ARHGEF2: variants seen among roughly 807,000 people sequenced by gnomAD.
ARHGEF2 encodes rho guanine nucleotide exchange factor 2.
In ARHGEF2, 22 loss-of-function variants were observed where a neutral mutation model predicts 121.0. That is an observed-to-expected ratio of 0.18 (90% CI 0.13 to 0.26). The LOEUF (loss-of-function observed/expected upper bound fraction) is 0.26, where lower values mean the gene tolerates loss of function less well. Among genes scored for constraint, ARHGEF2 ranks in the 10% least tolerant of loss-of-function variants. The pLI is 1.00. For missense variants in ARHGEF2, 907 were observed against 1,336.0 expected (o/e 0.68, Z 5.01); for synonymous variants, 487 against 530.0 (o/e 0.92, Z 1.11).
rs1425425294 is a variant in ARHGEF2, at chr1:155,978,001, G to A, written c.63+364C>T. The A allele has an allele frequency of 1.1e-5, 9 of 857,110 alleles. No individual in the cohort carries two copies. The highest frequency in any genetic ancestry group is 1.1e-5 in the Non-Finnish European group (8 of 699,634). 53.1% of individuals were successfully genotyped at this position (857,110 alleles called of 1,614,324 possible). A position where few individuals can be genotyped will look rare whatever the true frequency, so the allele number is the denominator to read the frequency against. ...CCGGTGGGGCCCGGGGTGAGAGGAG[G>A]TGCCGGAGCTTCCACCGCCCCCACC... On this transcript the variant is annotated intron_variant, in intron 1 of 21. Transcript: ENST00000361247. The surrounding 1 kb of genome is among the most constrained non-coding windows in gnomAD (Gnocchi z 4.1).
At chr1:155,966,179 C>T (rs968473917) in intron 4 of ARHGEF2, among the ~76,000 whole-genome samples, 4 of 152,094 alleles carry the variant, frequency 2.6e-5, no homozygotes, top group African/African-American at 4.8e-5. Flanking sequence ...ATGCAGGCTG[C>T]GGCCAGGCTC....
rs377500936 is a variant in ARHGEF2, at chr1:155,964,167, A to C, written c.724+821T>G. 2.6e-4 allele frequency among the ~76,000 whole-genome samples: 24 copies of C among 91,222 alleles called. 1 individual carries two copies. Among genetic ancestry groups the C allele is most frequent in the African/African-American group, 1.4e-3 (23 of 16,532 alleles). 59.8% of individuals were successfully genotyped at this position (91,222 alleles called of 152,430 possible). ...TTCAAAAAAAAAAAAAAAAAAAAAA[A>C]ATATATATATATATATATATATATA... On this transcript the variant is annotated intron_variant, in intron 7 of 21. Coordinates refer to ENST00000361247, the MANE Select transcript of ARHGEF2 (RefSeq NM_001162383.2).
upstream of ARHGEF2, chr1:155,978,665 C>G: frequency 8.9e-7 from 1 of 1,120,542 alleles, no homozygotes; most frequent in Non-Finnish European, 1.1e-6. This position sits in a 1 kb window ranked among gnomAD's most constrained non-coding sequence, Gnocchi z 4.1. Flanking sequence ...GGACGGGACG[C>G]CAGGGTTTGT....
intron 7 of ARHGEF2, 89 bp downstream of exon 7, chr1:155,964,899 A>AAAC: frequency 6.9e-7 from 1 of 1,458,732 alleles, no homozygotes; most frequent in Non-Finnish European, 9.1e-7. Flanking sequence ...TCTCAAAAAA[A>AAAC]AAAAAAAAAA....
chr1:155,977,991 G>T, intron 1 of ARHGEF2: 1 of 762,820 alleles, frequency 1.3e-6, no homozygotes, highest in Non-Finnish European at 1.6e-6. Flanking sequence ...GGGGCCCGGG[G>T]TGAGAGGAGG....
At position 155,951,287 on chromosome 1, in the gene ARHGEF2, C is replaced by A; in HGVS notation, c.2260-15G>T. 6.3e-7 allele frequency: 1 copy of A among 1,590,902 alleles called. No homozygotes were observed. Among genetic ancestry groups the A allele is most frequent in the Non-Finnish European group, 8.6e-7 (1 of 1,166,476 alleles). ...GCCACAGCTGCCTGGGAGTAGAATG[C>A]AGGCAGAAGGGTTTATCAGAACCCC... On this transcript the variant is annotated splice_polypyrimidine_tract_variant and intron_variant, in intron 19 of 21. Coordinates refer to ENST00000361247, the MANE Select transcript of ARHGEF2 (RefSeq NM_001162383.2). This position sits in a 1 kb window ranked among gnomAD's most constrained non-coding sequence, Gnocchi z 5.1.
At position 155,951,931 on chromosome 1, in the gene ARHGEF2, G is replaced by C; in HGVS notation, c.2160C>G (p.Asp720Glu). 1 of 1,614,086 alleles carries C rather than the reference G, an allele frequency of 6.2e-7. No individual in the cohort carries two copies. Among genetic ancestry groups the C allele is most frequent in the Non-Finnish European group, 8.5e-7 (1 of 1,180,022 alleles). The change falls in exon 17 of 22, where the codon GAC becomes GAG. Residue 720 changes from aspartate to glutamate, a missense_variant. By Grantham distance (45) the Asp-to-Glu change is conservative (BLOSUM62 2). Coordinates refer to ENST00000361247, the MANE Select transcript of ARHGEF2 (RefSeq NM_001162383.2). The surrounding 1 kb of genome is among the most constrained non-coding windows in gnomAD (Gnocchi z 5.1). ...GSIELCRADS[D>E]SSQRDRNGNQ... is the part of the protein sequence containing the mutation. ...CTTGAGGACCTACCCTCTGGCTAGA[G>C]TCTGAGTCAGCTCTGCAGAGTTCAA...
At chr1:155,957,464 A>C (rs953267646) in intron 13 of ARHGEF2, among the ~76,000 whole-genome samples, 1 of 152,274 alleles carries the variant, frequency 6.6e-6, no homozygotes, top group African/African-American at 2.4e-5. Context: ...GACAGCTCAA[A>C]GTATTCCCTT....
rs751584023 is a variant in ARHGEF2, at chr1:155,958,412, G to T, written c.1469-16C>A. 1 of 1,609,196 alleles carries T rather than the reference G, an allele frequency of 6.2e-7. No homozygotes were observed. The highest frequency in any genetic ancestry group is 8.5e-7 in the Non-Finnish European group (1 of 1,175,796). ...ACTAGCACATCTGGAAGGGGATGAA[G>T]GTGGGAGAACAGTCAGCACTAGACG... On this transcript the variant is annotated splice_polypyrimidine_tract_variant and intron_variant, in intron 11 of 21. Coordinates refer to ENST00000361247, the MANE Select transcript of ARHGEF2 (RefSeq NM_001162383.2).
intron 3 of ARHGEF2, 60 bp from the exon 4 acceptor site, chr1:155,966,539 C>A: frequency 6.3e-7 from 1 of 1,585,038 alleles, no homozygotes; most frequent in South Asian, 1.1e-5. Context: ...GGATCACCCC[C>A]AGAGGCATGG....
At position 155,950,984 on chromosome 1, in the gene ARHGEF2, C is replaced by G; in HGVS notation, c.2548G>C (p.Glu850Gln). The G allele has an allele frequency of 6.2e-7, 1 of 1,609,372 alleles. No individual in the cohort carries two copies. The highest frequency in any genetic ancestry group is 8.5e-7 in the Non-Finnish European group (1 of 1,178,834). Residue 850 changes from glutamate to glutamine, a missense_variant, in exon 20 of 22, where the codon GAG becomes CAG. Coordinates refer to ENST00000361247, the MANE Select transcript of ARHGEF2 (RefSeq NM_001162383.2). This position sits in a 1 kb window ranked among gnomAD's most constrained non-coding sequence, Gnocchi z 5.2. ...RESEQARALLEREAEEARRQL... is the reference protein window; with the variant it reads ...RESEQARALLQREAEEARRQL... Reference sequence around the variant, plus strand: ...CTTCGAGCCTCTTCGGCCTCACGCTCCAGCAGTGCCCGGGCCTGCTCACTC... The same window carrying G: ...CTTCGAGCCTCTTCGGCCTCACGCTGCAGCAGTGCCCGGGCCTGCTCACTC...
chr1:155,957,274 G>A (rs1186099427), intron 13 of ARHGEF2, among the ~76,000 whole-genome samples: 1 of 152,154 alleles, frequency 6.6e-6, no homozygotes, highest in Non-Finnish European at 1.5e-5. Context: ...CTATTGTGTT[G>A]AGTCTGTTTA....
Position 155,947,408 on chromosome 1 carries a change from G to GT in ARHGEF2, c.*533dup, listed in dbSNP as rs1021011296. 3 of 456,550 alleles carry GT rather than the reference G, an allele frequency of 6.6e-6. No homozygotes were observed. Among genetic ancestry groups the GT allele is most frequent in the African/African-American group, 2.0e-5 (1 of 50,056 alleles). The allele number at this position is 456,550 out of a possible 1,614,324, so 28.3% of individuals were successfully genotyped here. On this transcript the variant is annotated 3_prime_UTR_variant, in exon 22 of 22. Transcript: ENST00000361247. Reference sequence around the variant, plus strand: ...AAGGACGGAGAAAGGGAGAACAGCAGTAAGAGGTTGAGGGGAGAGGAGAAA... The same window carrying GT: ...AAGGACGGAGAAAGGGAGAACAGCAGTTAAGAGGTTGAGGGGAGAGGAGAAA...
In ARHGEF2 at chr1:155,947,800, G is replaced by A. The variant is rs1042416564; in HGVS notation, c.*142C>T. The A allele has an allele frequency of 1.7e-5, 10 of 589,576 alleles. No homozygotes were observed. Among genetic ancestry groups the A allele is most frequent in the Admixed American group, 9.4e-5 (3 of 31,982 alleles). 36.5% of individuals were successfully genotyped at this position (589,576 alleles called of 1,614,324 possible). The stretch of plus-strand genomic sequence containing the variant: ...CCCCTAGCTTCTTAAATGGCCCCAG[G>A]TATCCAAGGATCCCAAGAGCTGGCA... On this transcript the variant is annotated 3_prime_UTR_variant, in exon 22 of 22. Coordinates refer to ENST00000361247, the MANE Select transcript of ARHGEF2 (RefSeq NM_001162383.2).
rs1447638565 is a variant in ARHGEF2 at position 155,957,747 on chromosome 1, T to G, written c.1681A>C (p.Thr561Pro). The change falls in exon 13 of 22, where the codon ACC (threonine) becomes CCC (proline). Residue 561 changes from threonine (T) to proline (P), a missense_variant. Coordinates refer to ENST00000361247, the MANE Select transcript of ARHGEF2 (RefSeq NM_001162383.2). ...CTCTGCTGAATGACCCGGATCCAGG[T>G]GCTCCGGTCATCCCGGGATGCTGTG... ...VHTASRDDRS[T>P]WIRVIQQSVR... is the part of the protein sequence containing the mutation. The G allele has an allele frequency of 1.2e-6, 2 of 1,614,008 alleles. No individual in the cohort carries two copies. Among genetic ancestry groups the G allele is most frequent in the East Asian group, 2.2e-5 (1 of 44,878 alleles).
chr1:155,950,315 C>T lies in ARHGEF2; in HGVS notation c.2871G>A (p.Pro957=), dbSNP rs201575550. 2.0e-5 allele frequency: 32 copies of T among 1,612,868 alleles called. No individual in the cohort carries two copies. Among genetic ancestry groups the T allele is most frequent in the Middle Eastern group, 1.7e-4 (1 of 5,726 alleles). ...GGGTCTCACCTCGTGGACTGTGGGG[C>T]GGAGACAGACGGCTGCTACCTTCCT... ...SEEEGSSRLS[P]PHSPRDFTRM... is the part of the protein sequence containing the mutation. The change falls in exon 21 of 22, where the codon CCG becomes CCA. Residue 957 remains proline, a synonymous_variant. Transcript: ENST00000361247. The surrounding 1 kb of genome is among the most constrained non-coding windows in gnomAD (Gnocchi z 5.2).
chr1:155,956,256 G>A (rs755239099), intron 13 of ARHGEF2, among the ~76,000 whole-genome samples: 9 of 151,824 alleles, frequency 5.9e-5, no homozygotes, highest in Non-Finnish European at 1.0e-4. Context: ...ATGCCACCAC[G>A]CCCGGCTAAT....
intron 7 of ARHGEF2, among the ~76,000 whole-genome samples, chr1:155,963,502 G>T (rs1357825589): frequency 6.7e-6 from 1 of 149,470 alleles, no homozygotes; most frequent in East Asian, 2.0e-4. Context: ...CGCACCACCA[G>T]GCCCGGCTAA....
upstream of ARHGEF2, chr1:155,978,574 C>T (rs1681773716): frequency 7.9e-7 from 1 of 1,271,772 alleles, no homozygotes; most frequent in Non-Finnish European, 1.0e-6. This position sits in a 1 kb window ranked among gnomAD's most constrained non-coding sequence, Gnocchi z 4.1. Context: ...AGCACCAGTT[C>T]CTCAAACCCG....
Sources: allele counts gnomAD v4.1 joint callset (sites outside exome capture counted in the v4.1 genomes callset), GRCh38; gene constraint gnomAD v4.1.1; non-coding constraint Gnocchi (gnomAD v3.1); transcripts MANE v1.5; gene names NCBI Gene and HGNC (gene_info 2026-07-23, HGNC 2026-07-21).